LAMA2: variants seen among roughly 807,000 people sequenced by gnomAD.
LAMA2 encodes the protein laminin subunit alpha-2.
LAMA2 carries 269 observed loss-of-function variants against 364.8 expected under a neutral mutation model. The observed-to-expected ratio is 0.74, with a 90% CI of 0.67 to 0.82. LAMA2 has a LOEUF of 0.82. Among genes scored for constraint, LAMA2 ranks in the 40% least tolerant of loss-of-function variants. LAMA2 has a pLI of 0.00. For missense variants in LAMA2, 3,807 were observed against 3,873.2 expected (o/e 0.98, Z 0.45); for synonymous variants, 1,379 against 1,370.6 (o/e 1.01, Z -0.14).
chr6:129,452,966 T>C, intron 45 of LAMA2, 22 bp from the exon 46 acceptor site: 1 of 1,608,000 alleles, frequency 6.2e-7, no homozygotes, highest in Admixed American at 1.7e-5. Flanking sequence ...TCTTGGTTCT[T>C]TGTATCTTGT....
At position 129,167,874 on chromosome 6, in the gene LAMA2, T is replaced by G. The variant is rs369812593; in HGVS notation, c.1306+2199T>G. 4.8e-4 allele frequency among the ~76,000 whole-genome samples: 72 copies of G among 150,674 alleles called. No individual in the cohort carries two copies. The East Asian group carries it at 0.013, about 27-fold the overall frequency. On this transcript the variant is annotated intron_variant, in intron 9 of 64. Coordinates refer to ENST00000421865, the MANE Select transcript of LAMA2 (RefSeq NM_000426.4). ...TGCCATTCTAACTGGTGTGAGATGGTATCTCATTGTGGTTTTGATTTGCAT... is the reference window on the plus strand; with the variant it reads ...TGCCATTCTAACTGGTGTGAGATGGGATCTCATTGTGGTTTTGATTTGCAT...
intron 48 of LAMA2, 95 bp from the exon 49 acceptor site, chr6:129,460,105 T>C: frequency 8.7e-7 from 1 of 1,154,468 alleles, no homozygotes; most frequent in Non-Finnish European, 1.3e-6. Flanking sequence ...TGGATAATGA[T>C]AACTTTAGTT....
chr6:129,391,023 G>A (rs1049825144), intron 35 of LAMA2, among the ~76,000 whole-genome samples: 11 of 152,224 alleles, frequency 7.2e-5, no homozygotes, highest in Admixed American at 2.6e-4. Context: ...GGAGAACTAT[G>A]TGGAAATACA....
chr6:129,260,736 G>A lies in LAMA2; in HGVS notation c.2122G>A (p.Ala708Thr), dbSNP rs777765933. The change falls in exon 15 of 65, where the codon GCT becomes ACT. Residue 708 changes from alanine to threonine, a missense_variant. Physicochemically the swap from Ala to Thr is moderately conservative, Grantham distance 58 (BLOSUM62 0). This residue lies in a region of LAMA2 where 3,333 missense variants were observed against 3,345.7 expected (regional missense o/e 1.00). Transcript: ENST00000421865. ...GTTGAGCTCTGTTAACCTTGAATCC[G>A]CTGTCTCCTATCCTACTGATGGAAG... ...FRLSSVNLES[A>T]VSYPTDGSIA... 3.1e-6 allele frequency: 5 copies of A among 1,611,454 alleles called. No individual in the cohort carries two copies. Among genetic ancestry groups the A allele is most frequent in the Non-Finnish European group, 4.2e-6 (5 of 1,177,978 alleles).
chr6:129,187,879 A>G (rs951210057), intron 10 of LAMA2, among the ~76,000 whole-genome samples: 1 of 151,772 alleles, frequency 6.6e-6, no homozygotes, highest in African/African-American at 2.4e-5. Flanking sequence ...CAACCTGCAC[A>G]TTTGTCTTGA....
chr6:129,439,842 A>C (rs756520951), intron 42 of LAMA2, among the ~76,000 whole-genome samples: 5 of 140,154 alleles, frequency 3.6e-5, no homozygotes, highest in Non-Finnish European at 7.5e-5. Flanking sequence ...ATATATATAT[A>C]TATATATCTA....
At chr6:128,987,613 A>G (rs1051925716) in intron 1 of LAMA2, among the ~76,000 whole-genome samples, 43 of 152,180 alleles carry the variant, frequency 2.8e-4, no homozygotes, top group Non-Finnish European at 6.3e-4. Context: ...GCCAAACTTT[A>G]TGTTCCAAAG....
At chr6:128,896,104 T>A (rs549530162) in intron 1 of LAMA2, among the ~76,000 whole-genome samples, 1 of 152,274 alleles carries the variant, frequency 6.6e-6, no homozygotes, top group South Asian at 2.1e-4. Context: ...CACTGATGGG[T>A]CTGAACATGA....
At chr6:129,423,704 A>G (rs1378931061) in intron 40 of LAMA2, among the ~76,000 whole-genome samples, 2 of 152,150 alleles carry the variant, frequency 1.3e-5, no homozygotes, top group African/African-American at 2.4e-5. Context: ...ACAGTTTACA[A>G]TAGCATTAAA....
At chr6:129,355,686 A>G (rs529678415) in intron 32 of LAMA2, among the ~76,000 whole-genome samples, 1 of 152,274 alleles carries the variant, frequency 6.6e-6, no homozygotes, top group South Asian at 2.1e-4. Flanking sequence ...TGTTGTTAGT[A>G]TAGTACTGAC....
intron 54 of LAMA2, 88 bp from the exon 55 acceptor site, chr6:129,481,175 A>AT (rs1784326966): frequency 1.0e-6 from 1 of 967,712 alleles, no homozygotes; most frequent in African/African-American, 1.6e-5. Flanking sequence ...TAATCACATT[A>AT]ATTGCATCGA....
At position 129,456,442 on chromosome 6, in the gene LAMA2, A is replaced by G. The variant is rs1782968886; in HGVS notation, c.6815A>G (p.Asp2272Gly). Residue 2272 changes from aspartate to glycine, a missense_variant, in exon 48 of 65, where the codon GAT (aspartate) becomes GGT (glycine). Physicochemically the swap from Asp to Gly is moderately conservative, Grantham distance 94. Around this residue, in one of 3 missense-constraint regions of LAMA2, gnomAD observed 3,333 missense variants for 3,345.7 expected, o/e 1.00. Transcript: ENST00000421865. Reference protein sequence around the residue: ...STSPPGYTILDVDANAMLFVG... With the variant: ...STSPPGYTILGVDANAMLFVG... ...TCTCCTCCAGGGTACACGATTCTAG[A>G]TGTGGATGCAAATGCAATGCTGTTT... 1 of 1,613,560 alleles carries G rather than the reference A, an allele frequency of 6.2e-7. No homozygotes were observed. Among genetic ancestry groups the G allele is most frequent in the Non-Finnish European group, 8.5e-7 (1 of 1,179,632 alleles).
chr6:128,963,788 T>C (rs1189300024), intron 1 of LAMA2, among the ~76,000 whole-genome samples: 19 of 152,128 alleles, frequency 1.2e-4, no homozygotes, highest in Non-Finnish European at 8.8e-5. Flanking sequence ...CAGGAAGCCA[T>C]GCCTTTTAGC....
At chr6:129,130,589 A>G (rs924575555) in intron 4 of LAMA2, among the ~76,000 whole-genome samples, 5 of 152,212 alleles carry the variant, frequency 3.3e-5, no homozygotes, top group Admixed American at 6.5e-5. Context: ...GAAACCTACA[A>G]AGAAGCCTGA....
chr6:129,173,999 G>A (rs1343059704), intron 9 of LAMA2, among the ~76,000 whole-genome samples: 3 of 151,908 alleles, frequency 2.0e-5, no homozygotes, highest in Non-Finnish European at 4.4e-5. Flanking sequence ...GATTTGCTTT[G>A]TGTCTCACTA....
intron 58 of LAMA2, among the ~76,000 whole-genome samples, chr6:129,500,281 A>C (rs1785527959): frequency 6.6e-6 from 1 of 151,912 alleles, no homozygotes; most frequent in Admixed American, 6.6e-5. Context: ...GGAAGGTGAT[A>C]GAAGTTTTAT....
At chr6:129,268,966 G>A (rs3778119) in intron 16 of LAMA2, among the ~76,000 whole-genome samples, 24,814 of 151,852 alleles carry the variant, frequency 0.16, 2,135 homozygotes, top group South Asian at 0.25. Flanking sequence ...CTCATCAAGG[G>A]CATTCTTACT....
intron 3 of LAMA2, among the ~76,000 whole-genome samples, chr6:129,073,989 T>C (rs551950329): frequency 1.2e-4 from 19 of 152,356 alleles, no homozygotes; most frequent in African/African-American, 4.3e-4. Flanking sequence ...CAAGAGTTAG[T>C]GTAGAGGCAA....
At chr6:129,286,162 T>TA (rs1789100570) in intron 18 of LAMA2, among the ~76,000 whole-genome samples, 1 of 152,128 alleles carries the variant, frequency 6.6e-6, no homozygotes, top group African/African-American at 2.4e-5. Flanking sequence ...TAGATGAGCA[T>TA]AAAAGTGGTG....
Sources: gnomAD v4.1 joint callset for allele counts (sites outside exome capture counted in the v4.1 genomes callset) on GRCh38, gnomAD v4.1.1 for gene constraint, gnomAD v4.1.1 regional missense constraint, MANE v1.5 for transcripts, NCBI Gene and HGNC (gene_info 2026-07-23, HGNC 2026-07-21) for gene names.